The following SCFD2 variants were observed in gnomAD, a reference collection of about 807,000 sequenced individuals.
The protein encoded by SCFD2 is sec1 family domain containing 2.
Under a neutral mutation model 58.9 loss-of-function variants are expected in SCFD2, and 54 were observed. The ratio of observed to expected loss-of-function variants is 0.92; its 90% CI spans 0.74 to 1.15. SCFD2 has a LOEUF of 1.15. SCFD2 is among the 50% of genes most tolerant of loss of function. The pLI, the probability that SCFD2 is intolerant of heterozygous loss-of-function variation, is 0.00. For missense variants in SCFD2, 805 were observed against 836.6 expected (o/e 0.96, Z 0.47); for synonymous variants, 321 against 335.9 (o/e 0.96, Z 0.49).
At chr4:53,278,367 AAAAAAAG>A (rs1412932350) in intron 3 of SCFD2, among the ~76,000 whole-genome samples, 19 of 148,878 alleles carry the variant, frequency 1.3e-4, no homozygotes, top group African/African-American at 3.5e-4. Flanking sequence ...TTAAAAAAAA[AAAAAAAG>A]AAAAAAGAAA....
chr4:52,897,031 A>G (rs918462225), intron 7 of SCFD2, among the ~76,000 whole-genome samples: 8 of 152,196 alleles, frequency 5.3e-5, no homozygotes, highest in African/African-American at 1.4e-4. Flanking sequence ...TGCTGAAGTT[A>G]CTTATCAGCT....
intron 8 of SCFD2, among the ~76,000 whole-genome samples, chr4:52,877,051 G>T (rs2046364): frequency 0.2 from 31,144 of 152,078 alleles, 3,246 homozygotes; most frequent in East Asian, 0.27. Context: ...AGTCTTCTCA[G>T]CAGGTTTGAG....
chr4:53,178,063 G>A (rs2148943972), intron 4 of SCFD2, among the ~76,000 whole-genome samples: 1 of 152,340 alleles, frequency 6.6e-6, no homozygotes, highest in South Asian at 2.1e-4. Context: ...ACCTGCCTCT[G>A]TAGGCTCCAC....
intron 7 of SCFD2, among the ~76,000 whole-genome samples, chr4:52,889,450 A>T (rs1006763727): frequency 2.6e-5 from 4 of 152,174 alleles, no homozygotes; most frequent in African/African-American, 9.7e-5. Context: ...ACACACTCAG[A>T]TTATCTGCAT....
chr4:53,266,825 A>G (rs1357150807), intron 4 of SCFD2, among the ~76,000 whole-genome samples: 2 of 152,244 alleles, frequency 1.3e-5, no homozygotes, highest in African/African-American at 4.8e-5. Context: ...AGTCATGAAG[A>G]TGCTTTATCT....
intron 4 of SCFD2, among the ~76,000 whole-genome samples, chr4:53,217,988 T>G (rs1728909726): frequency 6.6e-6 from 1 of 152,234 alleles, no homozygotes; most frequent in African/African-American, 2.4e-5. Context: ...TCTTCTGGCT[T>G]GTAGCGTTTC....
intron 5 of SCFD2, among the ~76,000 whole-genome samples, chr4:53,010,565 T>G (rs1348422890): frequency 6.6e-6 from 1 of 152,236 alleles, no homozygotes; most frequent in East Asian, 1.9e-4. Context: ...GTGGGCAAGC[T>G]GCCTTTAAAC....
intron 4 of SCFD2, among the ~76,000 whole-genome samples, chr4:53,180,762 T>C (rs1727522228): frequency 6.6e-6 from 1 of 151,666 alleles, no homozygotes; most frequent in African/African-American, 2.4e-5. Context: ...CTAGCAAGAC[T>C]AATAAAGAAG....
At chr4:52,918,533 C>T (rs1034775503) in intron 6 of SCFD2, among the ~76,000 whole-genome samples, 1 of 151,838 alleles carries the variant, frequency 6.6e-6, no homozygotes, top group Non-Finnish European at 1.5e-5. Context: ...ACCCATAATC[C>T]CATTAAAAAG....
chr4:53,249,540 A>C (rs1403666461), intron 4 of SCFD2, among the ~76,000 whole-genome samples: 2 of 152,196 alleles, frequency 1.3e-5, no homozygotes, highest in Admixed American at 1.3e-4. Context: ...AAAAAATGTT[A>C]AGGGCAGCCA....
chr4:53,109,764 G>T (rs1197291735), intron 5 of SCFD2, among the ~76,000 whole-genome samples: 1 of 152,068 alleles, frequency 6.6e-6, no homozygotes. Flanking sequence ...TTAATAGGAA[G>T]AATCAATATC....
At chr4:53,010,455 C>T (rs942490448) in intron 5 of SCFD2, among the ~76,000 whole-genome samples, 3 of 152,208 alleles carry the variant, frequency 2.0e-5, no homozygotes, top group Admixed American at 6.5e-5. Context: ...GAGGCAGACA[C>T]GCTAAGTTCT....
At chr4:52,943,252 AAACAAAAC>A (rs889494935) in intron 5 of SCFD2, among the ~76,000 whole-genome samples, 6 of 152,104 alleles carry the variant, frequency 3.9e-5, no homozygotes, top group Non-Finnish European at 8.8e-5. Context: ...AAACAAAACA[AAACAAAAC>A]AAAACAAAAA....
chr4:53,353,944 G>A (rs1337577927), intron 1 of SCFD2, among the ~76,000 whole-genome samples: 2 of 152,248 alleles, frequency 1.3e-5, no homozygotes, highest in African/African-American at 2.4e-5. Flanking sequence ...AGTGCTGATT[G>A]GTGCATTTAC....
rs142076284 is a variant in SCFD2, at chr4:53,290,472, G to A, written c.1136-16471C>T. 2.6e-5 allele frequency among the ~76,000 whole-genome samples: 4 copies of A among 152,160 alleles called. No individual in the cohort carries two copies. In the South Asian group the frequency reaches 6.2e-4, roughly 24 times the overall value. ...ATCTTACCCTATAGGTGAAGCAATA[G>A]CAGTTCTAACAGGAGAGTTTATAGC... On this transcript the variant is annotated intron_variant, in intron 3 of 8. Coordinates refer to ENST00000401642, the MANE Select transcript of SCFD2 (RefSeq NM_152540.4).
intron 2 of SCFD2, among the ~76,000 whole-genome samples, chr4:53,320,281 G>A (rs1253324690): frequency 6.6e-6 from 1 of 152,190 alleles, no homozygotes; most frequent in Non-Finnish European, 1.5e-5. Flanking sequence ...GAACTAAAAT[G>A]CCAATTTCTG....
chr4:53,144,309 A>G (rs556736824), intron 5 of SCFD2, among the ~76,000 whole-genome samples: 2 of 150,952 alleles, frequency 1.3e-5, no homozygotes, highest in Admixed American at 6.6e-5. Flanking sequence ...ATACACACAC[A>G]TATGTAATAT....
chr4:52,995,848 T>C (rs1466736621), intron 5 of SCFD2, among the ~76,000 whole-genome samples: 1 of 152,198 alleles, frequency 6.6e-6, no homozygotes, highest in Non-Finnish European at 1.5e-5. Flanking sequence ...ATATGAGGTC[T>C]GAGGGTGCCC....
intron 4 of SCFD2, among the ~76,000 whole-genome samples, chr4:53,228,483 T>A (rs954197984): frequency 3.3e-5 from 5 of 152,142 alleles, no homozygotes; most frequent in African/African-American, 1.2e-4. Flanking sequence ...CTTTTATGAG[T>A]TTGATGAAGA....
Sources: allele counts gnomAD v4.1 joint callset (sites outside exome capture counted in the v4.1 genomes callset), GRCh38; gene constraint gnomAD v4.1.1; transcripts MANE v1.5; gene names NCBI Gene and HGNC (gene_info 2026-07-23, HGNC 2026-07-21).